The following ANK3 variants were observed in gnomAD, a reference collection of about 807,000 sequenced individuals.
ANK3 encodes ankyrin-3.
In ANK3, 57 loss-of-function variants were observed where a neutral mutation model predicts 370.9. The ratio of observed to expected loss-of-function variants is 0.15; its 90% CI spans 0.12 to 0.19. The LOEUF is 0.19. Ranked by LOEUF, ANK3 falls within the 10% of genes least tolerant of loss-of-function variation. ANK3 has a pLI of 1.00. For synonymous variants in ANK3, 1,929 were observed against 1,946.3 expected (o/e 0.99, Z 0.23); for missense variants, 4,439 against 5,302.1 (o/e 0.84, Z 5.06).
intron 2 of ANK3, among the ~76,000 whole-genome samples, chr10:60,451,874 A>G (rs1037569873): frequency 4.6e-5 from 7 of 152,178 alleles, no homozygotes; most frequent in Non-Finnish European, 8.8e-5. Flanking sequence ...GAAGGATTTG[A>G]CAAGTGTATA....
chr10:60,460,696 A>C (rs2064861942), intron 2 of ANK3, among the ~76,000 whole-genome samples: 1 of 152,156 alleles, frequency 6.6e-6, no homozygotes, highest in Non-Finnish European at 1.5e-5. Context: ...AAAAAATTGT[A>C]CCTCAGAGTT....
intron 2 of ANK3, among the ~76,000 whole-genome samples, chr10:60,517,173 T>C (rs2076239769): frequency 6.6e-6 from 1 of 152,102 alleles, no homozygotes; most frequent in South Asian, 2.1e-4. Context: ...CAAGCAATTT[T>C]CCTGCCTCAG....
chr10:60,366,130 A>G (rs10821743), intron 1 of ANK3, among the ~76,000 whole-genome samples: 73,356 of 151,832 alleles, frequency 0.48, 18,806 homozygotes, highest in South Asian at 0.61. Flanking sequence ...TTGAGGTCAG[A>G]AGTTCGAGAC....
In ANK3 at chr10:60,173,002, T is replaced by C. The variant is rs2095834563; in HGVS notation, c.2284-4A>G. On this transcript the variant is annotated splice_region_variant and splice_polypyrimidine_tract_variant and intron_variant, in intron 19 of 43. Coordinates refer to ENST00000280772, the MANE Select transcript of ANK3 (RefSeq NM_020987.5). ...GATGTAATGGCGTATACCCATTCTG[T>C]AGAAGGAAGATGGAAGAGATGATTC... 1 of 1,611,306 alleles carries C rather than the reference T, an allele frequency of 6.2e-7. No individual in the cohort carries two copies. Among genetic ancestry groups the C allele is most frequent in the Non-Finnish European group, 8.5e-7 (1 of 1,177,644 alleles).
chr10:60,630,794 A>C (rs1464625166), intron 1 of ANK3, among the ~76,000 whole-genome samples: 1 of 152,224 alleles, frequency 6.6e-6, no homozygotes, highest in Non-Finnish European at 1.5e-5. Flanking sequence ...ATGTGGTATG[A>C]AAACCTAGAC....
At chr10:60,635,432 A>G (rs2078540697) in intron 1 of ANK3, among the ~76,000 whole-genome samples, 1 of 152,236 alleles carries the variant, frequency 6.6e-6, no homozygotes, top group Non-Finnish European at 1.5e-5. Context: ...AATTAGATTG[A>G]ATAGATAGAA....
intron 1 of ANK3, among the ~76,000 whole-genome samples, chr10:60,699,324 A>G (rs537715015): frequency 7.3e-4 from 111 of 152,254 alleles, no homozygotes; most frequent in Non-Finnish European, 1.2e-3. Context: ...AACAAACAGG[A>G]AAAGAACTGC....
intron 1 of ANK3, among the ~76,000 whole-genome samples, chr10:60,641,159 T>A (rs1200078529): frequency 6.7e-6 from 1 of 149,556 alleles, no homozygotes; most frequent in African/African-American, 2.5e-5. Context: ...GAACATTCCA[T>A]GCTCATGGAT....
rs779288461 is a variant in ANK3 at position 60,040,286 on chromosome 10, TTTTC to T, written c.*19+2382_*19+2385del. ...ATTTGGCAGCATTCTACTTGCTTAG[TTTTC>T]TTTTTTTTTTTTTAAAGAGGCAGCC... On this transcript the variant is annotated intron_variant, in intron 43 of 43. Coordinates refer to ENST00000280772, the MANE Select transcript of ANK3 (RefSeq NM_020987.5). Among the ~76,000 whole-genome samples, 3 of 152,042 alleles carry T rather than the reference TTTTC, an allele frequency of 2.0e-5. No homozygotes were observed. In the East Asian group the frequency reaches 5.8e-4, roughly 29 times the overall value.
At chr10:60,507,450 G>A (rs771331380) in intron 2 of ANK3, 11 of 152,090 alleles carry the variant, frequency 7.2e-5, no homozygotes, top group Non-Finnish European at 1.2e-4. Flanking sequence ...TATCCCAGAT[G>A]AAGCTATAAT....
chr10:60,087,148 T>A (rs1166788049), intron 29 of ANK3, among the ~76,000 whole-genome samples: 1 of 152,118 alleles, frequency 6.6e-6, no homozygotes, highest in Non-Finnish European at 1.5e-5. Flanking sequence ...AGAGAGGGGA[T>A]CCAGTCTCAC....
intron 1 of ANK3, among the ~76,000 whole-genome samples, chr10:60,617,831 C>A (rs899490927): frequency 1.2e-4 from 18 of 152,148 alleles, no homozygotes; most frequent in African/African-American, 4.3e-4. Flanking sequence ...TCTTTTCCTG[C>A]AATTCTCTCT....
chr10:60,323,779 A>G (rs1453925202), intron 1 of ANK3, among the ~76,000 whole-genome samples: 2 of 152,184 alleles, frequency 1.3e-5, no homozygotes, highest in Admixed American at 1.3e-4. Context: ...AGGTAGGAAG[A>G]CAAGCAGGAA....
chr10:60,392,042 A>G (rs1319711137), upstream of ANK3, among the ~76,000 whole-genome samples: 1 of 152,206 alleles, frequency 6.6e-6, no homozygotes, highest in Non-Finnish European at 1.5e-5. Context: ...TCTACTAAGA[A>G]AGGCAGCCCT....
Position 60,263,961 on chromosome 10 carries a change from G to A in ANK3, c.573C>T (p.Leu191=). The A allele has an allele frequency of 6.2e-7, 1 of 1,614,124 alleles. No homozygotes were observed. Among genetic ancestry groups the A allele is most frequent in the Non-Finnish European group, 8.5e-7 (1 of 1,180,002 alleles). The change falls in exon 6 of 44, where the codon CTC becomes CTT. Residue 191 remains leucine (L), a synonymous_variant. Coordinates refer to ENST00000280772, the MANE Select transcript of ANK3 (RefSeq NM_020987.5). ...LQQGHDQVVS[L]LLENDTKGKV... is the part of the protein sequence containing the mutation. ...TTCCTTTGGTGTCATTCTCTAGCAG[G>A]AGCGAAACGACTTGGTCGTGACCTT...
chr10:60,278,320 C>A (rs2132701499), intron 4 of ANK3, among the ~76,000 whole-genome samples: 1 of 152,298 alleles, frequency 6.6e-6, no homozygotes, highest in East Asian at 1.9e-4. Flanking sequence ...TTAAAAATCT[C>A]TCTCTCACAC....
At chr10:60,279,791 A>G (rs2098135723) in intron 1 of ANK3, 152 bp from the exon 2 acceptor site, 2 of 660,094 alleles carry the variant, frequency 3.0e-6, no homozygotes. Context: ...AGAACCAAGA[A>G]AAGGACACAT....
chr10:60,638,710 T>TAGCTC (rs1356441445), intron 1 of ANK3, among the ~76,000 whole-genome samples: 5 of 152,032 alleles, frequency 3.3e-5, no homozygotes, highest in Non-Finnish European at 7.4e-5. Context: ...ATAAAATTTC[T>TAGCTC]AGAACTGAAA....
intron 42 of ANK3, chr10:60,051,523 T>C: frequency 2.0e-6 from 2 of 985,826 alleles, no homozygotes; most frequent in Non-Finnish European, 2.4e-6. Flanking sequence ...CTCTCCGCTC[T>C]TCCTCTGAGC....
Sources: allele counts gnomAD v4.1 joint callset (sites outside exome capture counted in the v4.1 genomes callset), GRCh38; gene constraint gnomAD v4.1.1; transcripts MANE v1.5; gene names NCBI Gene and HGNC (gene_info 2026-07-23, HGNC 2026-07-21).